The following GNA12 variants were observed in gnomAD, a reference collection of about 807,000 sequenced individuals.
GNA12 encodes G protein subunit alpha 12.
GNA12 carries 9 observed loss-of-function variants against 26.0 expected under a neutral mutation model. That is an observed-to-expected ratio of 0.35 (90% CI 0.21 to 0.60). The LOEUF is 0.60. Among genes scored for constraint, GNA12 ranks in the 20% least tolerant of loss-of-function variants. The pLI is 0.78. For missense variants in GNA12, 405 were observed against 525.8 expected (o/e 0.77, Z 2.25); for synonymous variants, 264 against 219.6 (o/e 1.20, Z -1.79).
intron 2 of GNA12, among the ~76,000 whole-genome samples, chr7:2,790,893 G>C (rs570362921): frequency 1.3e-5 from 2 of 151,948 alleles, no homozygotes; most frequent in Non-Finnish European, 1.5e-5. Flanking sequence ...TGGTTTGCCT[G>C]AGCCCAGGAG....
chr7:2,765,635 T>A (rs1254761417), intron 2 of GNA12, among the ~76,000 whole-genome samples: 1 of 151,862 alleles, frequency 6.6e-6, no homozygotes, highest in Admixed American at 6.6e-5. Flanking sequence ...TTCTTCTTTT[T>A]ATTTTTTGCT....
chr7:2,762,657 T>A (rs10487576), intron 2 of GNA12: 11 of 1,598,646 alleles, frequency 6.9e-6, no homozygotes, highest in African/African-American at 1.3e-5. Flanking sequence ...GGCAGGACGA[T>A]GAGAGGATAA....
intron 2 of GNA12, among the ~76,000 whole-genome samples, chr7:2,742,779 T>A (rs1001598193): frequency 1.3e-5 from 2 of 152,248 alleles, no homozygotes; most frequent in Non-Finnish European, 2.9e-5. Flanking sequence ...AGGTATGTAA[T>A]CTTTTATGGT....
In GNA12 at chr7:2,756,659, G is replaced by A. The variant is rs551588256; in HGVS notation, c.526-23158C>T. On this transcript the variant is annotated intron_variant, in intron 2 of 3. Transcript: ENST00000275364. ...TAGGAGAGGATCTGTGTGATCTTGG[G>A]TTAGGAAAAGATTTCTGTGCTGTCA... is the stretch of plus-strand genomic sequence containing the variant. Among the ~76,000 whole-genome samples the A allele has an allele frequency of 1.3e-4, 20 of 152,320 alleles. No homozygotes were observed. In the East Asian group the frequency reaches 3.7e-3, roughly 28 times the overall value.
chr7:2,841,994 A>G (rs1779000955), intron 1 of GNA12, among the ~76,000 whole-genome samples: 1 of 150,900 alleles, frequency 6.6e-6, no homozygotes, highest in Non-Finnish European at 1.5e-5. Flanking sequence ...AGGAAAGGGT[A>G]GAGAGGTAGG....
At chr7:2,839,372 C>T (rs1350127008) in intron 1 of GNA12, among the ~76,000 whole-genome samples, 1 of 152,044 alleles carries the variant, frequency 6.6e-6, no homozygotes, top group Non-Finnish European at 1.5e-5. Flanking sequence ...CAAGTGTGCA[C>T]CACCACACCC....
chr7:2,832,075 A>C (rs1416149551), intron 1 of GNA12, among the ~76,000 whole-genome samples: 2 of 152,140 alleles, frequency 1.3e-5, no homozygotes, highest in Non-Finnish European at 2.9e-5. Context: ...TTTTGTCACA[A>C]ATTTCTCCGC....
At chr7:2,756,654 C>A (rs537623916) in intron 2 of GNA12, among the ~76,000 whole-genome samples, 1 of 152,216 alleles carries the variant, frequency 6.6e-6, no homozygotes, top group South Asian at 2.1e-4. Flanking sequence ...TCTGTGTGAT[C>A]TTGGGTTAGG....
chr7:2,756,181 A>G (rs370562069), intron 2 of GNA12, among the ~76,000 whole-genome samples: 1 of 152,222 alleles, frequency 6.6e-6, no homozygotes, highest in African/African-American at 2.4e-5. Context: ...AAAATTGACA[A>G]GGCAACTCAA....
At chr7:2,753,049 G>A (rs960954439) in intron 2 of GNA12, among the ~76,000 whole-genome samples, 9 of 152,106 alleles carry the variant, frequency 5.9e-5, no homozygotes, top group African/African-American at 9.6e-5. Context: ...TGGTAACCAC[G>A]AATCTGATTT....
At position 2,773,025 on chromosome 7, in the gene GNA12, A is replaced by C. The variant is rs556951730; in HGVS notation, c.525+21903T>G. Among the ~76,000 whole-genome samples the C allele has an allele frequency of 1.2e-3, 186 of 152,376 alleles. 3 individuals are homozygous for C. The highest frequency in any genetic ancestry group is 0.012 in the East Asian group (61 of 5,190). ...GTCATTAAGCAAAGAAGCCAGCTAA[A>C]CGATTCCATTTAAACAAACTTCAAA... On this transcript the variant is annotated intron_variant, in intron 2 of 3. Transcript: ENST00000275364.
intron 1 of GNA12, among the ~76,000 whole-genome samples, chr7:2,821,548 C>G (rs920923424): frequency 6.6e-6 from 1 of 152,230 alleles, no homozygotes; most frequent in African/African-American, 2.4e-5. Context: ...GCTTGCAACT[C>G]CAAACGAACT....
At chr7:2,839,976 C>A (rs141892450) in intron 1 of GNA12, among the ~76,000 whole-genome samples, 1,868 of 152,094 alleles carry the variant, frequency 0.012, 18 homozygotes, top group East Asian at 0.036. Context: ...CCAGCCTGGG[C>A]GACAGAGCAA....
chr7:2,753,916 A>G (rs954897957), intron 2 of GNA12, among the ~76,000 whole-genome samples: 3 of 152,130 alleles, frequency 2.0e-5, no homozygotes, highest in African/African-American at 7.2e-5. Context: ...GGGAGAGCTC[A>G]TGTATGGGTT....
At chr7:2,795,338 G>C (rs937037315) in intron 1 of GNA12, among the ~76,000 whole-genome samples, 195 bp from the exon 2 acceptor site, 5 of 152,136 alleles carry the variant, frequency 3.3e-5, no homozygotes, top group African/African-American at 1.2e-4. Flanking sequence ...ACCTCACCAA[G>C]ACAGACGCAC....
chr7:2,742,208 G>C (rs887861628), intron 2 of GNA12, among the ~76,000 whole-genome samples: 4 of 151,826 alleles, frequency 2.6e-5, no homozygotes, highest in African/African-American at 9.7e-5. Context: ...TTTTACTACA[G>C]ACAGGGTTTT....
At chr7:2,813,021 G>A (rs888813106) in intron 1 of GNA12, among the ~76,000 whole-genome samples, 4 of 152,190 alleles carry the variant, frequency 2.6e-5, no homozygotes, top group African/African-American at 9.6e-5. Context: ...ATGGCTCATT[G>A]CAGCCTCAAA....
rs1267482258 is a variant in GNA12, at chr7:2,763,038, CGTGCCG to C, written c.526-29543_526-29538del. 2.1e-4 allele frequency: 259 copies of C among 1,250,802 alleles called. 1 individual carries two copies. Among genetic ancestry groups the C allele is most frequent in the South Asian group, 4.9e-4 (14 of 28,504 alleles). The allele number at this position is 1,250,802 out of a possible 1,614,324, so 77.5% of individuals were successfully genotyped here. A position where few individuals can be genotyped will look rare whatever the true frequency, so the allele number is the denominator to read the frequency against. On this transcript the variant is annotated intron_variant, in intron 2 of 3. Coordinates refer to ENST00000275364, the MANE Select transcript of GNA12 (RefSeq NM_007353.3). The stretch of plus-strand genomic sequence containing the variant: ...CGCCGGCCACTGGCCCAGGACTCAG[CGTGCCG>C]TTCCTCCAGGACGCAGACCGGGGCT...
intron 1 of GNA12, among the ~76,000 whole-genome samples, chr7:2,838,576 C>T (rs1562452506): frequency 6.6e-6 from 1 of 152,038 alleles, no homozygotes; most frequent in Non-Finnish European, 1.5e-5. Flanking sequence ...AGCAAAAGAC[C>T]TTGTCTCTAA....
Sources: allele counts gnomAD v4.1 joint callset (sites outside exome capture counted in the v4.1 genomes callset), GRCh38; gene constraint gnomAD v4.1.1; transcripts MANE v1.5; gene names NCBI Gene and HGNC (gene_info 2026-07-23, HGNC 2026-07-21).